IL3RA: variants seen among roughly 807,000 people sequenced by gnomAD.
The protein encoded by IL3RA is interleukin-3 receptor subunit alpha.
Under a neutral mutation model 52.3 loss-of-function variants are expected in IL3RA, and 73 were observed. The observed-to-expected ratio is 1.40, with a 90% CI of 1.16 to 1.70. The LOEUF (loss-of-function observed/expected upper bound fraction) is 1.70. Among genes scored for constraint, IL3RA ranks in the 40% most tolerant of loss-of-function variants. The pLI, the probability that IL3RA is intolerant of heterozygous loss-of-function variation, is 0.00. For synonymous variants in IL3RA, 260 were observed against 194.0 expected (o/e 1.34, Z -2.83); for missense variants, 664 against 504.4 (o/e 1.32, Z -3.03).
chrX:1,340,760 C>T (rs1385803807), intron 1 of IL3RA, among the ~76,000 whole-genome samples: 3 of 152,070 alleles, frequency 2.0e-5, no homozygotes, highest in African/African-American at 4.8e-5. Context: ...AAAAGGCGGG[C>T]GGATCACCTG....
chrX:1,343,931 G>T (rs1325571399), intron 2 of IL3RA, among the ~76,000 whole-genome samples: 1 of 151,342 alleles, frequency 6.6e-6, no homozygotes, highest in Non-Finnish European at 1.5e-5. Flanking sequence ...GATTAGCTGG[G>T]ATTACAGGCG....
intron 3 of IL3RA, among the ~76,000 whole-genome samples, chrX:1,346,640 CAA>C (rs2085756325): frequency 1.3e-5 from 2 of 148,180 alleles, no homozygotes; most frequent in South Asian, 4.2e-4. Context: ...AAAAACAAAA[CAA>C]AAGTGTGTGC....
rs761039106 is a variant in IL3RA at position 1,352,095 on chromosome X, C to T, written c.299-5C>T. On this transcript the variant is annotated splice_polypyrimidine_tract_variant and splice_region_variant and intron_variant, in intron 4 of 11. Coordinates refer to ENST00000331035, the MANE Select transcript of IL3RA (RefSeq NM_002183.4). ...TCGAGTTCTCTTTCATGTTTGTGAA[C>T]CCAGGTGGGAAGCCTTGGGCAGGTG... The T allele has an allele frequency of 6.2e-7, 1 of 1,613,436 alleles. No homozygotes were observed. The highest frequency in any genetic ancestry group is 8.5e-7 in the Non-Finnish European group (1 of 1,179,656).
intron 3 of IL3RA, among the ~76,000 whole-genome samples, chrX:1,348,051 C>G (rs866014342): frequency 2.3e-5 from 2 of 88,628 alleles, no homozygotes; most frequent in African/African-American, 4.2e-5. Context: ...AAAAAAAAAA[C>G]AGAAAAAAGT....
chrX:1,363,353 T>G (rs1466822577), intron 8 of IL3RA, among the ~76,000 whole-genome samples: 2 of 147,492 alleles, frequency 1.4e-5, no homozygotes, highest in Admixed American at 1.4e-4. Context: ...CAGGCTGGAG[T>G]GCAGTGGCGC....
intron 9 of IL3RA, among the ~76,000 whole-genome samples, chrX:1,366,548 AGCCGGGTGCGCGGGG>A (rs2088063854): frequency 1.9e-5 from 1 of 52,658 alleles, no homozygotes; most frequent in Non-Finnish European, 3.5e-5. Context: ...GCGCGGGGTG[AGCCGGGTGCGCGGGG>A]TGAGCCGGGT....
intron 9 of IL3RA, among the ~76,000 whole-genome samples, chrX:1,377,959 G>A (rs1205301711): frequency 6.6e-6 from 1 of 151,076 alleles, no homozygotes; most frequent in Non-Finnish European, 1.5e-5. Context: ...GCCGAGGCGG[G>A]TGGATCACTT....
chrX:1,345,894 G>A (rs374279337), intron 3 of IL3RA, among the ~76,000 whole-genome samples: 2 of 151,982 alleles, frequency 1.3e-5, no homozygotes, highest in Non-Finnish European at 2.9e-5. Flanking sequence ...TTTCTGCCCC[G>A]AAGTCAGGTG....
At chrX:1,344,202 G>A (rs2085625083) in intron 2 of IL3RA, among the ~76,000 whole-genome samples, 1 of 152,210 alleles carries the variant, frequency 6.6e-6, no homozygotes, top group African/African-American at 2.4e-5. Flanking sequence ...GGGAGGCTGA[G>A]GCAGGCAGAT....
rs1413132782 is a variant in IL3RA at position 1,382,621 on chromosome X, C to G, written c.*156C>G. 3 of 691,858 alleles carry G rather than the reference C, an allele frequency of 4.3e-6. No individual in the cohort carries two copies. The East Asian group carries it at 7.5e-5, about 17-fold the overall frequency. The allele number at this position is 691,858 out of a possible 1,614,324, so 42.9% of individuals were successfully genotyped here. A position where few individuals can be genotyped will look rare whatever the true frequency, so the allele number is the denominator to read the frequency against. On this transcript the variant is annotated 3_prime_UTR_variant, in exon 12 of 12. Transcript: ENST00000331035. ...GATGCCTGTGTAATTTCGTCCGAAGCTGCCAGGAAGAAGAACAGAACTTTG... is the reference window on the plus strand; with the variant it reads ...GATGCCTGTGTAATTTCGTCCGAAGGTGCCAGGAAGAAGAACAGAACTTTG...
intron 3 of IL3RA, among the ~76,000 whole-genome samples, chrX:1,347,818 C>G (rs2085820362): frequency 1.3e-5 from 2 of 150,968 alleles, no homozygotes; most frequent in South Asian, 4.2e-4. Flanking sequence ...GAGGGTGGAT[C>G]ACGAGGTCAG....
Position 1,382,513 on chromosome X carries a change from G to A in IL3RA, c.*48G>A. On this transcript the variant is annotated 3_prime_UTR_variant, in exon 12 of 12. Coordinates refer to ENST00000331035, the MANE Select transcript of IL3RA (RefSeq NM_002183.4). ...GGGTCTGCCTCAATCTCCCTGGCCG[G>A]GCCAGGCGCCTGCACAGACTGGCTG... 1 of 1,573,844 alleles carries A rather than the reference G, an allele frequency of 6.4e-7. No homozygotes were observed.
intron 11 of IL3RA, among the ~76,000 whole-genome samples, chrX:1,381,997 T>G: frequency 6.6e-6 from 1 of 151,632 alleles, no homozygotes; most frequent in Middle Eastern, 3.4e-3. Flanking sequence ...CCGGCTGGAG[T>G]GCAATGGTGC....
chrX:1,348,485 A>C lies in IL3RA; in HGVS notation c.238A>C (p.Asn80His). 1 of 1,613,908 alleles carries C rather than the reference A, an allele frequency of 6.2e-7. No homozygotes were observed. The highest frequency in any genetic ancestry group is 8.5e-7 in the Non-Finnish European group (1 of 1,179,840). ...FGAISLCEVT[N>H]YTVRVANPPF... ...AGCAATTTCCTTATGTGAAGTGACCAACTACACCGTCCGAGTGGCCAACCC... is the reference window on the plus strand; with the variant it reads ...AGCAATTTCCTTATGTGAAGTGACCCACTACACCGTCCGAGTGGCCAACCC... The change falls in exon 4 of 12, where the codon AAC (asparagine) becomes CAC (histidine). Residue 80 changes from asparagine (N) to histidine (H), a missense_variant. Coordinates refer to ENST00000331035, the MANE Select transcript of IL3RA (RefSeq NM_002183.4).
chrX:1,341,904 C>CAAGGCAGGTGGACGATCACAAG, intron 2 of IL3RA, 75 bp downstream of exon 2: 2 of 1,494,992 alleles, frequency 1.3e-6, no homozygotes, highest in East Asian at 2.3e-5. Flanking sequence ...GTCAGCGTGC[C>CAAGGCAGGTGGACGATCACAAG]GTCCTTCAGG....
chrX:1,351,334 ATTTTT>A (rs199846566), intron 4 of IL3RA, among the ~76,000 whole-genome samples: 2 of 67,364 alleles, frequency 3.0e-5, no homozygotes, highest in Non-Finnish European at 6.6e-5. Flanking sequence ...TTAGAGTTTT[ATTTTT>A]TTTTTTGAGA....
chrX:1,360,854 CCTGT>C lies in IL3RA; in HGVS notation c.759+1970_759+1973del, dbSNP rs765264686. 2.9e-3 allele frequency among the ~76,000 whole-genome samples: 396 copies of C among 134,510 alleles called. 3 individuals are homozygous for C. Among genetic ancestry groups the C allele is most frequent in the Non-Finnish European group, 3.0e-3 (187 of 62,012 alleles). 88.2% of individuals were successfully genotyped at this position (134,510 alleles called of 152,430 possible). On this transcript the variant is annotated intron_variant, in intron 8 of 11. Coordinates refer to ENST00000331035, the MANE Select transcript of IL3RA (RefSeq NM_002183.4). ...CTCTCTTTATCTTTCTAGCTCTCTC[CCTGT>C]CTCTCTCTCCCTTCCCCTCTCTGTC...
intron 8 of IL3RA, among the ~76,000 whole-genome samples, chrX:1,363,339 C>G (rs1218010729): frequency 5.6e-5 from 8 of 142,660 alleles, no homozygotes; most frequent in South Asian, 2.2e-4. Flanking sequence ...CTCGCTCTGT[C>G]ACCCAGGCTG....
intron 6 of IL3RA, among the ~76,000 whole-genome samples, chrX:1,355,523 C>A (rs1294818185): frequency 1.3e-5 from 2 of 149,934 alleles, no homozygotes; most frequent in East Asian, 4.0e-4. Flanking sequence ...CAGGGGAGAC[C>A]CAGCCAGGCA....
Sources: gnomAD v4.1 joint callset for allele counts (sites outside exome capture counted in the v4.1 genomes callset) on GRCh38, gnomAD v4.1.1 for gene constraint, MANE v1.5 for transcripts, NCBI Gene and HGNC (gene_info 2026-07-23, HGNC 2026-07-21) for gene names.